Variants in TBC1D1 observed in about 807,000 individuals in gnomAD.
TBC1D1 encodes the protein TBC1 domain family member 1, also known as TBC1 (tre-2/USP6, BUB2, cdc16) domain family, member 1.
In TBC1D1, 89 loss-of-function variants were observed where a neutral mutation model predicts 125.6. The observed-to-expected ratio is 0.71, with a 90% CI of 0.60 to 0.85. The LOEUF (loss-of-function observed/expected upper bound fraction) is 0.85, where lower values mean the gene tolerates loss of function less well. TBC1D1 is among the 40% of genes least tolerant of loss of function. The pLI is 0.00. For missense variants in TBC1D1, 1,377 were observed against 1,469.2 expected, an observed-to-expected ratio of 0.94 and a Z score of 1.03; for synonymous variants, 565 against 564.1, an observed-to-expected ratio of 1.00 and a Z score of -0.02.
chr4:38,052,742 A>ACACACACACACT (rs1750973308), intron 11 of TBC1D1, among the ~76,000 whole-genome samples: 1 of 148,048 alleles, frequency 6.8e-6, no homozygotes, highest in Non-Finnish European at 1.5e-5. Flanking sequence ...ACACACACAC[A>ACACACACACACT]CACACACACA....
intron 2 of TBC1D1, among the ~76,000 whole-genome samples, chr4:37,921,370 A>G (rs1253569622): frequency 6.7e-6 from 1 of 150,306 alleles, no homozygotes; most frequent in Admixed American, 6.7e-5. Context: ...TTTTATATGT[A>G]TATTATATAC....
At chr4:38,031,404 A>G (rs1351911640) in intron 7 of TBC1D1, among the ~76,000 whole-genome samples, 1 of 152,192 alleles carries the variant, frequency 6.6e-6, no homozygotes, top group Non-Finnish European at 1.5e-5. Context: ...TGGATTTTGC[A>G]TGGTTTTAAA....
chr4:37,972,903 CAAAAAAA>C (rs33977382), intron 2 of TBC1D1, among the ~76,000 whole-genome samples: 2 of 104,588 alleles, frequency 1.9e-5, no homozygotes, highest in African/African-American at 7.6e-5. Context: ...ACTCCATCTC[CAAAAAAA>C]AAAAAAAAAA....
At position 38,044,448 on chromosome 4, in the gene TBC1D1, A is replaced by G; in HGVS notation, c.1500A>G (p.Ala500=). ...GGCTAGATATGCTGAAAAACAAAGCAAAGAGATCTTTAACAGAGTCTTTAG... is the reference window on the plus strand; with the variant it reads ...GGCTAGATATGCTGAAAAACAAAGCGAAGAGATCTTTAACAGAGTCTTTAG... Residue 500 remains alanine (A), a synonymous_variant, in exon 9 of 20, where the codon GCA becomes GCG. Coordinates refer to ENST00000261439, the MANE Select transcript of TBC1D1 (RefSeq NM_015173.4). 1.2e-6 allele frequency: 2 copies of G among 1,613,670 alleles called. No homozygotes were observed. The highest frequency in any genetic ancestry group is 1.7e-6 in the Non-Finnish European group (2 of 1,179,940).
At chr4:38,120,009 A>T (rs999795042) in intron 17 of TBC1D1, 2 of 985,230 alleles carry the variant, frequency 2.0e-6, no homozygotes, top group Admixed American at 1.2e-4. Flanking sequence ...AAACAAGCAG[A>T]CTCCACTTTG....
intron 2 of TBC1D1, among the ~76,000 whole-genome samples, chr4:37,938,697 A>T (rs1333554223): frequency 6.6e-6 from 1 of 151,536 alleles, no homozygotes; most frequent in Non-Finnish European, 1.5e-5. Context: ...CAACCCCATG[A>T]CAGGTGTGTG....
At chr4:37,958,917 T>G (rs1221524417) in intron 2 of TBC1D1, among the ~76,000 whole-genome samples, 2 of 152,168 alleles carry the variant, frequency 1.3e-5, no homozygotes, top group Non-Finnish European at 2.9e-5. Flanking sequence ...CGTTCCCCAT[T>G]GTCTTCCACT....
chr4:37,907,014 T>C (rs1717494367), intron 2 of TBC1D1, among the ~76,000 whole-genome samples: 1 of 152,246 alleles, frequency 6.6e-6, no homozygotes, highest in South Asian at 2.1e-4. Context: ...AACATCTACA[T>C]GTTAACATGT....
intron 2 of TBC1D1, among the ~76,000 whole-genome samples, chr4:38,013,925 G>A (rs1416996062): frequency 1.3e-5 from 2 of 152,128 alleles, no homozygotes; most frequent in Non-Finnish European, 2.9e-5. Flanking sequence ...AGGAAATATA[G>A]GACTGAGTTG....
intron 2 of TBC1D1, among the ~76,000 whole-genome samples, chr4:37,935,308 C>T (rs2152295724): frequency 6.6e-6 from 1 of 152,294 alleles, no homozygotes; most frequent in South Asian, 2.1e-4. Context: ...CCCACAAATC[C>T]AGCTGTCAAT....
chr4:38,006,642 C>T lies in TBC1D1; in HGVS notation c.418-7867C>T, dbSNP rs563978400. On this transcript the variant is annotated intron_variant, in intron 2 of 19. Coordinates refer to ENST00000261439, the MANE Select transcript of TBC1D1 (RefSeq NM_015173.4). ...TACAGGCATGTGCCACCACGCCCGGCTAATTTTTTTGTATTTTTAGTAGAG... is the reference window on the plus strand; with the variant it reads ...TACAGGCATGTGCCACCACGCCCGGTTAATTTTTTTGTATTTTTAGTAGAG... 2.8e-3 allele frequency: 633 copies of T among 225,908 alleles called. 2 individuals carry two copies. The highest frequency in any genetic ancestry group is 0.014 in the African/African-American group (596 of 42,338). 14.0% of individuals were successfully genotyped at this position (225,908 alleles called of 1,614,324 possible). A position where few individuals can be genotyped will look rare whatever the true frequency, so the allele number is the denominator to read the frequency against.
intron 18 of TBC1D1, among the ~76,000 whole-genome samples, chr4:38,129,329 C>T (rs148655140): frequency 4.3e-4 from 66 of 152,212 alleles, no homozygotes; most frequent in African/African-American, 1.3e-3. Context: ...CAGTTTGCAC[C>T]GTGGAAAAGG....
intron 12 of TBC1D1, among the ~76,000 whole-genome samples, chr4:38,061,716 A>G (rs1752808317): frequency 6.6e-6 from 1 of 152,206 alleles, no homozygotes; most frequent in South Asian, 2.1e-4. Context: ...CATTAAGTCT[A>G]GTGGATTAGA....
Position 37,992,031 on chromosome 4 carries a change from GC to G in TBC1D1, c.418-22477del, listed in dbSNP as rs377383532. Among the ~76,000 whole-genome samples the G allele has an allele frequency of 2.8e-4, 42 of 152,346 alleles. No individual in the cohort carries two copies. The East Asian group carries it at 7.5e-3, about 27-fold the overall frequency. ...AGAGAAAGAAGCCAGGTGAAATAAG[GC>G]AGGAAGAGTTGAGTGGAGCCCCATT... is the stretch of plus-strand genomic sequence containing the variant. On this transcript the variant is annotated intron_variant, in intron 2 of 19. Coordinates refer to ENST00000261439, the MANE Select transcript of TBC1D1 (RefSeq NM_015173.4).
intron 2 of TBC1D1, among the ~76,000 whole-genome samples, chr4:37,974,702 C>T (rs1034851999): frequency 1.3e-5 from 2 of 152,290 alleles, no homozygotes; most frequent in Non-Finnish European, 2.9e-5. Flanking sequence ...GGATTACAGG[C>T]GCATGCCATC....
chr4:37,988,980 T>C (rs938565322), intron 2 of TBC1D1, among the ~76,000 whole-genome samples: 3 of 152,210 alleles, frequency 2.0e-5, no homozygotes, highest in Admixed American at 6.5e-5. Flanking sequence ...TCACTTGACA[T>C]AGCAGGCCCT....
intron 2 of TBC1D1, among the ~76,000 whole-genome samples, chr4:37,972,632 G>T (rs557327833): frequency 1.3e-5 from 2 of 151,954 alleles, no homozygotes; most frequent in Non-Finnish European, 2.9e-5. Flanking sequence ...TAGGCCAGGC[G>T]CAGTGGCTCA....
intron 17 of TBC1D1, among the ~76,000 whole-genome samples, chr4:38,121,909 C>G (rs1763912644): frequency 6.6e-6 from 1 of 152,110 alleles, no homozygotes; most frequent in Non-Finnish European, 1.5e-5. Context: ...ATGTTGTCCC[C>G]AAGTGTCATC....
intron 2 of TBC1D1, among the ~76,000 whole-genome samples, chr4:37,919,985 A>T (rs1400773847): frequency 6.6e-6 from 1 of 152,042 alleles, no homozygotes; most frequent in Non-Finnish European, 1.5e-5. Flanking sequence ...TGGTGGCGGG[A>T]GCCTGTAGTC....
Sources: allele counts gnomAD v4.1 joint callset (sites outside exome capture counted in the v4.1 genomes callset), GRCh38; gene constraint gnomAD v4.1.1; transcripts MANE v1.5; gene names NCBI Gene and HGNC (gene_info 2026-07-23, HGNC 2026-07-21).